Variants in SGCE observed in about 807,000 individuals in gnomAD.
SGCE encodes the protein epsilon-sarcoglycan.
In SGCE, 26 loss-of-function variants were observed where a neutral mutation model predicts 57.8. That is an observed-to-expected ratio of 0.45 (90% CI 0.33 to 0.62). The LOEUF is 0.62. SGCE is among the 20% of genes least tolerant of loss of function. SGCE has a pLI of 0.02. For synonymous variants in SGCE, 183 were observed against 189.5 expected (o/e 0.97, Z 0.28); for missense variants, 468 against 548.6 (o/e 0.85, Z 1.47).
chr7:94,627,611 A>G (rs771019110), intron 3 of SGCE: 5 of 152,558 alleles, frequency 3.3e-5, no homozygotes, highest in Non-Finnish European at 7.3e-5. Context: ...TCCTCCGCCC[A>G]AGATGGCCTT....
At chr7:94,624,486 C>G in intron 3 of SGCE, 1 of 342,624 alleles carries the variant, frequency 2.9e-6, no homozygotes, top group African/African-American at 2.1e-5. Context: ...AAGAACCTCT[C>G]TCTCCAGGAT....
At chr7:94,595,942 TTGA>T (rs1454354359) in intron 9 of SGCE, among the ~76,000 whole-genome samples, 2 of 152,140 alleles carry the variant, frequency 1.3e-5, no homozygotes, top group African/African-American at 4.8e-5. Flanking sequence ...TCAGACGCAC[TTGA>T]TGATCCTGCA....
chr7:94,633,386 T>C (rs895939891), intron 1 of SGCE, among the ~76,000 whole-genome samples: 1 of 152,104 alleles, frequency 6.6e-6, no homozygotes, highest in Non-Finnish European at 1.5e-5. Flanking sequence ...AAGTAATAAT[T>C]ACATATCTGA....
chr7:94,625,509 C>T (rs1803564656), intron 3 of SGCE: 1 of 152,016 alleles, frequency 6.6e-6, no homozygotes, highest in African/African-American at 2.4e-5. Flanking sequence ...TACCTCTCCC[C>T]AACCAGAAGT....
At chr7:94,614,939 TTTG>T (rs1182567441) in intron 5 of SGCE, among the ~76,000 whole-genome samples, 3 of 152,222 alleles carry the variant, frequency 2.0e-5, no homozygotes, top group Non-Finnish European at 4.4e-5. Context: ...CATTTGTTTT[TTTG>T]TTATAAAAAT....
intron 1 of SGCE, among the ~76,000 whole-genome samples, chr7:94,643,674 G>C (rs993825972): frequency 6.6e-6 from 1 of 152,004 alleles, no homozygotes; most frequent in African/African-American, 2.4e-5. Context: ...TTAATAATAG[G>C]GAAATAACTA....
intron 5 of SGCE, among the ~76,000 whole-genome samples, chr7:94,612,253 A>G (rs781583612): frequency 5.6e-4 from 86 of 152,274 alleles, no homozygotes; most frequent in Non-Finnish European, 7.4e-4. Flanking sequence ...ATGCTTTGAA[A>G]TGTTTTTTTT....
intron 1 of SGCE, among the ~76,000 whole-genome samples, chr7:94,648,703 G>A (rs1449842735): frequency 2.0e-5 from 3 of 152,154 alleles, no homozygotes; most frequent in Non-Finnish European, 4.4e-5. Context: ...TTTCATAGAA[G>A]AGAAAAGCCA....
intron 1 of SGCE, among the ~76,000 whole-genome samples, chr7:94,635,104 T>C (rs1260102948): frequency 6.6e-6 from 1 of 152,190 alleles, no homozygotes; most frequent in Non-Finnish European, 1.5e-5. Context: ...AGTCTATTTC[T>C]AAAAGCATTT....
rs1050342411 is a variant in SGCE at position 94,600,872 on chromosome 7, G to C, written c.826-15C>G. 3 of 1,582,776 alleles carry C rather than the reference G, an allele frequency of 1.9e-6. No individual in the cohort carries two copies. The African/African-American group carries it at 4.0e-5, about 21-fold the overall frequency. Reference sequence around the variant, plus strand: ...GTTTTATCAACCTGATATAAAAGAAGACAATTACACAACAAATTAATCGTT... The same window carrying C: ...GTTTTATCAACCTGATATAAAAGAACACAATTACACAACAAATTAATCGTT... On this transcript the variant is annotated splice_polypyrimidine_tract_variant and intron_variant, in intron 6 of 10. Coordinates refer to ENST00000648936, the MANE Select transcript of SGCE (RefSeq NM_003919.3).
intron 9 of SGCE, 113 bp downstream of exon 9, chr7:94,598,662 T>C: frequency 1.2e-6 from 1 of 820,892 alleles, no homozygotes; most frequent in Non-Finnish European, 2.1e-6. Flanking sequence ...CTTTTGTTAT[T>C]TTCTCTTCCA....
intron 1 of SGCE, among the ~76,000 whole-genome samples, chr7:94,650,450 A>T (rs531074505): frequency 7.2e-6 from 1 of 139,220 alleles, no homozygotes; most frequent in Non-Finnish European, 1.7e-5. Context: ...TGCAGGGGGA[A>T]AAGGAATCTT....
At chr7:94,635,157 G>T (rs1047570356) in intron 1 of SGCE, among the ~76,000 whole-genome samples, 2 of 152,218 alleles carry the variant, frequency 1.3e-5, no homozygotes, top group African/African-American at 4.8e-5. Flanking sequence ...TTTGAAGATG[G>T]AAGCTGTTCA....
At chr7:94,604,466 C>T (rs1017881763) in intron 5 of SGCE, among the ~76,000 whole-genome samples, 15 of 151,588 alleles carry the variant, frequency 9.9e-5, no homozygotes, top group Non-Finnish European at 1.8e-4. Context: ...ATTTGGAAAA[C>T]TCACAATTCC....
chr7:94,638,959 G>A (rs924842889), intron 1 of SGCE, among the ~76,000 whole-genome samples: 3 of 152,092 alleles, frequency 2.0e-5, no homozygotes, highest in Non-Finnish European at 2.9e-5. Flanking sequence ...GTTACATACT[G>A]CTATTTAAAA....
intron 5 of SGCE, among the ~76,000 whole-genome samples, chr7:94,609,963 CT>C (rs1800747827): frequency 6.6e-6 from 1 of 152,146 alleles, no homozygotes; most frequent in Admixed American, 6.5e-5. Context: ...CCAAGATGTC[CT>C]CCAGTAGGTG....
At chr7:94,611,329 G>A (rs918456220) in intron 5 of SGCE, among the ~76,000 whole-genome samples, 2 of 152,072 alleles carry the variant, frequency 1.3e-5, no homozygotes, top group African/African-American at 4.8e-5. Context: ...ATGAAATACT[G>A]ATTTATTCTA....
intron 1 of SGCE, among the ~76,000 whole-genome samples, chr7:94,650,242 A>G (rs1164732605): frequency 6.6e-6 from 1 of 152,182 alleles, no homozygotes; most frequent in East Asian, 1.9e-4. Context: ...GATACATCAC[A>G]AGGGAGGGGA....
In SGCE at chr7:94,596,593, A is replaced by C. The variant is rs1231411350; in HGVS notation, c.1253+2182T>G. On this transcript the variant is annotated intron_variant, in intron 9 of 10. Transcript: ENST00000648936. ...AGGGACTGAAGACTGTTGTAGCTTA[A>C]AAAACAGAGAAATAAAACCTTTACG... 2.0e-5 allele frequency among the ~76,000 whole-genome samples: 3 copies of C among 152,148 alleles called. No homozygotes were observed. In the East Asian group the frequency reaches 5.8e-4, roughly 29 times the overall value.
Sources: allele counts gnomAD v4.1 joint callset (sites outside exome capture counted in the v4.1 genomes callset), GRCh38; gene constraint gnomAD v4.1.1; transcripts MANE v1.5; gene names NCBI Gene and HGNC (gene_info 2026-07-23, HGNC 2026-07-21).